UBASH3A: variants seen among roughly 807,000 people sequenced by gnomAD.
UBASH3A encodes ubiquitin-associated and SH3 domain-containing protein A.
In UBASH3A, 63 loss-of-function variants were observed where a neutral mutation model predicts 73.5. The ratio of observed to expected loss-of-function variants is 0.86; its 90% CI spans 0.70 to 1.06. The LOEUF (loss-of-function observed/expected upper bound fraction) is 1.06, where lower values mean the gene tolerates loss of function less well. UBASH3A is among the 50% of genes least tolerant of loss of function. The pLI is 0.00. For missense variants in UBASH3A, 860 were observed against 859.0 expected, an observed-to-expected ratio of 1.00 and a Z score of -0.02; for synonymous variants, 363 against 351.1, an observed-to-expected ratio of 1.03 and a Z score of -0.38.
chr21:42,444,458 C>T lies in UBASH3A; in HGVS notation c.1739-76C>T. On this transcript the variant is annotated intron_variant, in intron 13 of 14. Transcript: ENST00000319294. The stretch of plus-strand genomic sequence containing the variant: ...ACTCTGAGATAGCTCTGCCCCCCAC[C>T]ACTTTGGGGACCCCAGTCTAATAAA... 6.3e-6 allele frequency: 7 copies of T among 1,119,506 alleles called. No individual in the cohort carries two copies. The Admixed American group carries it at 1.2e-4, about 19-fold the overall frequency. 69.3% of individuals were successfully genotyped at this position (1,119,506 alleles called of 1,614,324 possible). A position where few individuals can be genotyped will look rare whatever the true frequency, so the allele number is the denominator to read the frequency against.
intron 3 of UBASH3A, among the ~76,000 whole-genome samples, chr21:42,412,145 A>G (rs1180388301): frequency 1.3e-5 from 2 of 152,216 alleles, no homozygotes; most frequent in African/African-American, 4.8e-5. Context: ...TTTCAAGCCC[A>G]GGAAGCAGCC....
chr21:42,410,610 G>C (rs530811952), intron 3 of UBASH3A: 154 of 210,356 alleles, frequency 7.3e-4, no homozygotes, highest in African/African-American at 3.3e-3. Context: ...AATCGAGAGA[G>C]TTTTCCCCCT....
At chr21:42,404,655 G>A (rs551716485) in intron 1 of UBASH3A, among the ~76,000 whole-genome samples, 2 of 152,184 alleles carry the variant, frequency 1.3e-5, no homozygotes, top group Admixed American at 6.5e-5. Context: ...AAACTCTAAC[G>A]TGAAAGGCCC....
chr21:42,429,030 C>G (rs1340268972), intron 8 of UBASH3A, among the ~76,000 whole-genome samples: 1 of 152,056 alleles, frequency 6.6e-6, no homozygotes, highest in African/African-American at 2.4e-5. Flanking sequence ...CCAGGAGGGC[C>G]CTAAACCCCA....
rs144917206 is a variant in UBASH3A at position 42,432,191 on chromosome 21, C to T, written c.1259C>T (p.Ser420Phe). ...GGGAAGGCATGGCTGCAGCAATGCT[C>T]CACTCCTGATGGTAGGTCACACTCA... ...IFGKAWLQQC[S>F]TPDGKYYRPD... The change falls in exon 9 of 15, where the codon TCC (serine) becomes TTC (phenylalanine). Residue 420 changes from serine (S) to phenylalanine (F), a missense_variant. Transcript: ENST00000319294. 4.3e-6 allele frequency: 7 copies of T among 1,610,940 alleles called. No homozygotes were observed. Among genetic ancestry groups the T allele is most frequent in the African/African-American group, 2.7e-5 (2 of 74,826 alleles).
intron 13 of UBASH3A, among the ~76,000 whole-genome samples, chr21:42,443,831 G>C (rs2053796577): frequency 6.6e-6 from 1 of 152,152 alleles, no homozygotes; most frequent in Non-Finnish European, 1.5e-5. Context: ...CCCAGGCCCT[G>C]GAACCCCCCA....
chr21:42,444,626 G>C lies in UBASH3A; in HGVS notation c.1831G>C (p.Ala611Pro), dbSNP rs2053815452. ...GLPPRECGDF[A>P]QLVRKIPSLG... ...GCCGCCCCGGGAATGTGGGGATTTT[G>C]CCCAACTCGTGAGAAAGGTACGCGC... The change falls in exon 14 of 15, where the codon GCC (alanine) becomes CCC (proline). Residue 611 changes from alanine (A) to proline (P), a missense_variant. Transcript: ENST00000319294. 5 of 1,614,122 alleles carry C rather than the reference G, an allele frequency of 3.1e-6. No individual in the cohort carries two copies. The highest frequency in any genetic ancestry group is 2.2e-5 in the East Asian group (1 of 44,890).
chr21:42,406,107 G>A (rs1601551447), intron 1 of UBASH3A, among the ~76,000 whole-genome samples: 4 of 151,938 alleles, frequency 2.6e-5, no homozygotes, highest in Admixed American at 2.6e-4. Flanking sequence ...AGGGGGAGGT[G>A]TGAGCTGGTC....
At chr21:42,411,450 A>G (rs1031844263) in intron 3 of UBASH3A, among the ~76,000 whole-genome samples, 5 of 151,994 alleles carry the variant, frequency 3.3e-5, no homozygotes, top group South Asian at 2.1e-4. Context: ...ACAGACACAC[A>G]CATAAGCACC....
intron 2 of UBASH3A, among the ~76,000 whole-genome samples, chr21:42,406,685 T>A (rs560765234): frequency 5.3e-5 from 8 of 152,340 alleles, no homozygotes; most frequent in Admixed American, 1.3e-4. Flanking sequence ...ACATGATTGT[T>A]GTGTTGTGAT....
chr21:42,442,648 A>G (rs1390354952), intron 12 of UBASH3A, 52 bp downstream of exon 12: 1 of 1,561,854 alleles, frequency 6.4e-7, no homozygotes, highest in South Asian at 1.2e-5. Flanking sequence ...TTATTGTTAA[A>G]GAAAAATTTC....
intron 3 of UBASH3A, 127 bp downstream of exon 3, chr21:42,409,735 C>T: frequency 1.2e-6 from 1 of 805,970 alleles, no homozygotes; most frequent in East Asian, 2.6e-5. Flanking sequence ...CATTAGCTGG[C>T]ACCTTCATAT....
At chr21:42,437,607 C>G in intron 11 of UBASH3A, 27 bp downstream of exon 11, 1 of 1,597,418 alleles carries the variant, frequency 6.3e-7, no homozygotes, top group South Asian at 1.1e-5. Context: ...GTGAGCCTCT[C>G]CTACTGCCTT....
chr21:42,444,755 C>G (rs1459839890), intron 14 of UBASH3A, 112 bp downstream of exon 14: 1 of 883,932 alleles, frequency 1.1e-6, no homozygotes, highest in African/African-American at 1.6e-5. Context: ...CCCAGGGCCA[C>G]CAGGATCCAC....
At position 42,413,570 on chromosome 21, in the gene UBASH3A, G is replaced by A. The variant is rs1175759905; in HGVS notation, c.667+47G>A. On this transcript the variant is annotated intron_variant, in intron 5 of 14. Coordinates refer to ENST00000319294, the MANE Select transcript of UBASH3A (RefSeq NM_018961.4). This position sits in a 1 kb window ranked among gnomAD's most constrained non-coding sequence, Gnocchi z 4.5. The stretch of plus-strand genomic sequence containing the variant: ...GGACCAGCTTTGGTCTTCTCTTTAG[G>A]CGGGAATAGCCTTGTTCTCATTATG... The A allele has an allele frequency of 1.2e-5, 16 of 1,372,634 alleles. No homozygotes were observed. The highest frequency in any genetic ancestry group is 1.8e-5 in the Admixed American group (1 of 55,428). The allele number at this position is 1,372,634 out of a possible 1,614,324, so 85.0% of individuals were successfully genotyped here.
At position 42,437,549 on chromosome 21, in the gene UBASH3A, CTG is replaced by C. The variant is rs2053649402; in HGVS notation, c.1460_1461del (p.Val487AlafsTer26). The C allele has an allele frequency of 1.2e-6, 2 of 1,614,240 alleles. No individual in the cohort carries two copies. Among genetic ancestry groups the C allele is most frequent in the Non-Finnish European group, 1.7e-6 (2 of 1,180,036 alleles). On this transcript the variant is annotated frameshift_variant, in exon 11 of 15. Transcript: ENST00000319294. LOFTEE classifies it high-confidence loss of function. ...SSVFASPALR[C>X]VQTAKLILEE... ...CTGTGTTTGCCTCCCCAGCCCTCCG[CTG>C]TGTGCAGACGGCCAAACTCATCCTG...
chr21:42,442,382 A>T (rs981626031), intron 11 of UBASH3A, 70 bp from the exon 12 acceptor site: 13 of 1,508,742 alleles, frequency 8.6e-6, no homozygotes, highest in African/African-American at 5.6e-5. Context: ...GAGATCTAAA[A>T]GGAGACTTAT....
chr21:42,446,295 G>T (rs1179358824), intron 14 of UBASH3A, among the ~76,000 whole-genome samples: 1 of 152,096 alleles, frequency 6.6e-6, no homozygotes, highest in Non-Finnish European at 1.5e-5. Flanking sequence ...ACAAAGGGGG[G>T]GCTCTACCAA....
intron 2 of UBASH3A, among the ~76,000 whole-genome samples, chr21:42,407,711 C>T (rs1012248857): frequency 2.6e-5 from 4 of 152,238 alleles, no homozygotes; most frequent in African/African-American, 4.8e-5. Context: ...TATCTGCCAA[C>T]CTTGGCAATA....
Sources: allele counts gnomAD v4.1 joint callset (sites outside exome capture counted in the v4.1 genomes callset), GRCh38; gene constraint gnomAD v4.1.1; non-coding constraint Gnocchi (gnomAD v3.1); transcripts MANE v1.5; gene names NCBI Gene and HGNC (gene_info 2026-07-23, HGNC 2026-07-21).